P3H2: variants seen among roughly 807,000 people sequenced by gnomAD.
P3H2 encodes leprecan-like 1.
Under a neutral mutation model 87.0 loss-of-function variants are expected in P3H2, and 80 were observed. The observed-to-expected ratio is 0.92, with a 90% CI of 0.77 to 1.11. The LOEUF is 1.11. Among genes scored for constraint, P3H2 ranks in the 50% least tolerant of loss-of-function variants. The pLI is 0.00. For synonymous variants in P3H2, 367 were observed against 359.3 expected, an observed-to-expected ratio of 1.02 and a Z score of -0.24; for missense variants, 1,001 against 923.9, an observed-to-expected ratio of 1.08 and a Z score of -1.08.
At chr3:190,096,249 C>T (rs1727582066) in intron 1 of P3H2, among the ~76,000 whole-genome samples, 2 of 152,252 alleles carry the variant, frequency 1.3e-5, no homozygotes, top group Middle Eastern at 3.4e-3. Context: ...TGTGTCCCTG[C>T]CCAAATCTCA....
intron 4 of P3H2, among the ~76,000 whole-genome samples, chr3:189,988,431 TACACAC>T (rs1212292494): frequency 2.0e-5 from 3 of 151,566 alleles, no homozygotes; most frequent in African/African-American, 7.3e-5. Flanking sequence ...AATAAATACA[TACACAC>T]ACACACACAC....
intron 1 of P3H2, among the ~76,000 whole-genome samples, chr3:190,026,022 C>G (rs1427536242): frequency 1.3e-5 from 2 of 152,054 alleles, no homozygotes; most frequent in Non-Finnish European, 2.9e-5. Context: ...TTTTTATTAA[C>G]CATTATTTCT....
Position 189,972,902 on chromosome 3 carries a change from T to C in P3H2, c.1671A>G (p.Thr557=), listed in dbSNP as rs1389476683. ...ACAGGGCTGTTCGGCAGACCATGTG[T>C]GTATAGGAAAAATACAGAGTTGAGT... The part of the protein sequence containing the change: ...MLNSTLYFSY[T]HMVCRTALSG... The change falls in exon 11 of 15, where the codon ACA becomes ACG. Residue 557 remains threonine (T), a synonymous_variant. Transcript: ENST00000319332. 6.2e-7 allele frequency: 1 copy of C among 1,614,012 alleles called. No homozygotes were observed. Among genetic ancestry groups the C allele is most frequent in the Non-Finnish European group, 8.5e-7 (1 of 1,180,018 alleles).
chr3:190,029,437 G>C (rs531157223), intron 1 of P3H2, among the ~76,000 whole-genome samples: 4 of 151,782 alleles, frequency 2.6e-5, no homozygotes, highest in Non-Finnish European at 4.4e-5. Flanking sequence ...GCCAAGTTTC[G>C]GGCTGTCACA....
At chr3:190,089,315 A>C (rs1478914123) in intron 1 of P3H2, among the ~76,000 whole-genome samples, 1 of 152,232 alleles carries the variant, frequency 6.6e-6, no homozygotes, top group East Asian at 1.9e-4. Context: ...ACATGTATAC[A>C]TATGTAACAA....
At chr3:190,118,819 A>G (rs1418134042) in intron 1 of P3H2, among the ~76,000 whole-genome samples, 2 of 152,042 alleles carry the variant, frequency 1.3e-5, no homozygotes, top group Non-Finnish European at 2.9e-5. Context: ...AGCCTGGTCC[A>G]GCCGTGCTCA....
At chr3:190,036,787 C>T (rs1176525903) in intron 1 of P3H2, among the ~76,000 whole-genome samples, 3 of 152,204 alleles carry the variant, frequency 2.0e-5, no homozygotes, top group East Asian at 3.9e-4. Context: ...TGCCCTTGAG[C>T]GATGATCCCT....
chr3:189,969,113 G>A lies in P3H2; in HGVS notation c.1893+1703C>T, dbSNP rs963014053. 9.2e-6 allele frequency: 5 copies of A among 545,858 alleles called. 1 individual carries two copies. The highest frequency in any genetic ancestry group is 2.6e-5 in the Admixed American group (1 of 37,880). 33.8% of individuals were successfully genotyped at this position (545,858 alleles called of 1,614,324 possible). On this transcript the variant is annotated intron_variant, in intron 13 of 14. Transcript: ENST00000319332. ...GATCCTATCTGAGGTATGGCAGTGA[G>A]CAGTAAACTTTTGGCTTTACTAGCA...
At chr3:189,995,498 G>A (rs1724026706) in intron 1 of P3H2, 56 bp from the exon 2 acceptor site, 1 of 1,545,714 alleles carries the variant, frequency 6.5e-7, no homozygotes, top group Non-Finnish European at 8.8e-7. Flanking sequence ...ATCACACTCA[G>A]AGAAATACAA....
At chr3:190,003,281 T>G (rs1724272422) in intron 1 of P3H2, among the ~76,000 whole-genome samples, 1 of 152,206 alleles carries the variant, frequency 6.6e-6, no homozygotes, top group Admixed American at 6.5e-5. Flanking sequence ...GATGTTTACA[T>G]TTTAGTGTTA....
intron 8 of P3H2, among the ~76,000 whole-genome samples, chr3:189,975,284 C>T (rs1723316280): frequency 6.6e-6 from 1 of 152,254 alleles, no homozygotes; most frequent in African/African-American, 2.4e-5. Flanking sequence ...GGAGGGTTTC[C>T]CTTAGGCACC....
intron 1 of P3H2, among the ~76,000 whole-genome samples, chr3:190,076,452 G>A (rs1726879946): frequency 6.6e-6 from 1 of 152,260 alleles, no homozygotes; most frequent in African/African-American, 2.4e-5. Flanking sequence ...GGAAAGATGG[G>A]AAAGATGAGG....
chr3:190,027,580 G>GAT (rs1157941162), intron 1 of P3H2, among the ~76,000 whole-genome samples: 1 of 149,602 alleles, frequency 6.7e-6, no homozygotes, highest in Non-Finnish European at 1.5e-5. Context: ...AAATAAAGTA[G>GAT]ATATTTAGAT....
chr3:190,065,804 T>C (rs909378998), intron 1 of P3H2, among the ~76,000 whole-genome samples: 15 of 152,174 alleles, frequency 9.9e-5, no homozygotes, highest in Admixed American at 5.9e-4. Context: ...CTATAATTTA[T>C]AAAAGTTTAT....
intron 1 of P3H2, among the ~76,000 whole-genome samples, chr3:190,022,955 T>A (rs1230548627): frequency 1.3e-5 from 2 of 151,938 alleles, no homozygotes; most frequent in African/African-American, 2.4e-5. Context: ...GCCTCCCGAG[T>A]AGCTGGGACT....
At chr3:189,976,622 T>C (rs142978754) in intron 8 of P3H2, among the ~76,000 whole-genome samples, 2 of 152,358 alleles carry the variant, frequency 1.3e-5, no homozygotes, top group Non-Finnish European at 2.9e-5. Flanking sequence ...ACATTATTTA[T>C]AAGTGCATCG....
At chr3:190,089,234 G>A (rs1245640299) in intron 1 of P3H2, among the ~76,000 whole-genome samples, 8 of 152,118 alleles carry the variant, frequency 5.3e-5, no homozygotes, top group Non-Finnish European at 1.2e-4. Flanking sequence ...CGGGGGAAGC[G>A]GGGAGGGATA....
intron 1 of P3H2, among the ~76,000 whole-genome samples, chr3:190,046,635 GA>G (rs1424784398): frequency 1.1e-4 from 1 of 9,392 alleles, no homozygotes; most frequent in African/African-American, 5.7e-4. Flanking sequence ...CTCACAATCA[GA>G]TATAGATTTA....
Position 189,973,026 on chromosome 3 carries a change from T to C in P3H2, c.1549-2A>G. The C allele has an allele frequency of 1.3e-6, 2 of 1,525,708 alleles. No individual in the cohort carries two copies. Among genetic ancestry groups the C allele is most frequent in the Non-Finnish European group, 1.8e-6 (2 of 1,139,772 alleles). 94.5% of individuals were successfully genotyped at this position (1,525,708 alleles called of 1,614,324 possible). On this transcript the variant is annotated splice_acceptor_variant, in intron 10 of 14. Coordinates refer to ENST00000319332, the MANE Select transcript of P3H2 (RefSeq NM_018192.4). LOFTEE classifies it high-confidence loss of function. The stretch of plus-strand genomic sequence containing the variant: ...TGGGACTCGACCTTCATAACCAGAC[T>C]GAAAAAAAAAAACAAAACATGAGAA...
Sources: allele counts gnomAD v4.1 joint callset (sites outside exome capture counted in the v4.1 genomes callset), GRCh38; gene constraint gnomAD v4.1.1; transcripts MANE v1.5; gene names NCBI Gene and HGNC (gene_info 2026-07-23, HGNC 2026-07-21).